The following RGL1 variants were observed in gnomAD, a reference collection of about 807,000 sequenced individuals.
RGL1 encodes ral guanine nucleotide dissociation stimulator-like 1.
A neutral mutation model predicts 95.2 loss-of-function variants in RGL1; 24 were observed. The ratio of observed to expected loss-of-function variants is 0.25; its 90% CI spans 0.18 to 0.35. The LOEUF (loss-of-function observed/expected upper bound fraction) is 0.35. Among genes scored for constraint, RGL1 ranks in the 10% least tolerant of loss-of-function variants. The probability of loss-of-function intolerance (pLI) is 1.00; values close to 1 mark genes in which losing one functional copy is unlikely to be tolerated. For synonymous variants in RGL1, 329 were observed against 344.9 expected, an observed-to-expected ratio of 0.95 and a Z score of 0.51; for missense variants, 715 against 936.3, an observed-to-expected ratio of 0.76 and a Z score of 3.08.
intron 2 of RGL1, among the ~76,000 whole-genome samples, chr1:183,821,527 C>T (rs956723895): frequency 1.2e-3 from 180 of 152,192 alleles, no homozygotes; most frequent in African/African-American, 4.3e-3. Flanking sequence ...TACCAGGAGG[C>T]CTGGTCTGCT....
chr1:183,716,820 GT>G (rs1171042436), intron 1 of RGL1, among the ~76,000 whole-genome samples: 5 of 152,208 alleles, frequency 3.3e-5, no homozygotes, highest in African/African-American at 1.2e-4. Context: ...CTGTGTCTCT[GT>G]TTTGCTCTTT....
intron 14 of RGL1, among the ~76,000 whole-genome samples, chr1:183,908,792 A>C (rs146947292): frequency 2.6e-4 from 40 of 152,270 alleles, no homozygotes; most frequent in African/African-American, 9.4e-4. Context: ...TTAAGGAAAA[A>C]AACAAAAATT....
chr1:183,897,929 C>T (rs1294011940), intron 10 of RGL1, 32 bp downstream of exon 10: 1 of 1,584,958 alleles, frequency 6.3e-7, no homozygotes, highest in Admixed American at 1.7e-5. Context: ...CCTGACAGCT[C>T]ACAGAGGAGA....
intron 1 of RGL1, among the ~76,000 whole-genome samples, chr1:183,651,380 T>A (rs1650739577): frequency 6.6e-6 from 1 of 152,222 alleles, no homozygotes; most frequent in South Asian, 2.1e-4. Flanking sequence ...TGCTAATAAA[T>A]AAATTATGGC....
At chr1:183,672,923 G>A (rs918298357) in intron 1 of RGL1, among the ~76,000 whole-genome samples, 5 of 152,094 alleles carry the variant, frequency 3.3e-5, no homozygotes, top group South Asian at 2.1e-4. Context: ...TCTGGGGTAC[G>A]TATGCAGGAT....
chr1:183,666,739 A>G (rs570868267), intron 1 of RGL1, among the ~76,000 whole-genome samples: 4 of 152,176 alleles, frequency 2.6e-5, no homozygotes, highest in African/African-American at 9.7e-5. Flanking sequence ...ATTTCTATTC[A>G]TTTACATCTG....
chr1:183,712,854 G>T (rs774947121), intron 1 of RGL1, among the ~76,000 whole-genome samples: 4 of 152,182 alleles, frequency 2.6e-5, no homozygotes, highest in Non-Finnish European at 5.9e-5. Flanking sequence ...AGGTTGAAAA[G>T]TCCCTGTGGA....
intron 9 of RGL1, among the ~76,000 whole-genome samples, chr1:183,892,911 A>T (rs543169190): frequency 6.6e-6 from 1 of 152,384 alleles, no homozygotes; most frequent in African/African-American, 2.4e-5. Flanking sequence ...TTTTATCATC[A>T]TCATTTTGTA....
chr1:183,876,331 T>C (rs1339304938), intron 4 of RGL1, among the ~76,000 whole-genome samples: 1 of 152,246 alleles, frequency 6.6e-6, no homozygotes, highest in Non-Finnish European at 1.5e-5. Context: ...CTATAGACGA[T>C]TGCAGTCGGT....
At chr1:183,871,599 C>T (rs1666187537) in intron 4 of RGL1, among the ~76,000 whole-genome samples, 1 of 152,200 alleles carries the variant, frequency 6.6e-6, no homozygotes, top group Non-Finnish European at 1.5e-5. Context: ...ACATTTTATA[C>T]AGGCTCCCAA....
chr1:183,924,971 A>C (rs796477038), intron 17 of RGL1, among the ~76,000 whole-genome samples: 10 of 152,014 alleles, frequency 6.6e-5, no homozygotes, highest in African/African-American at 2.2e-4. Context: ...CATCTCAAAA[A>C]ATATAATAAT....
intron 3 of RGL1, among the ~76,000 whole-genome samples, chr1:183,856,327 A>G (rs748269006): frequency 7.9e-5 from 12 of 151,844 alleles, no homozygotes; most frequent in Non-Finnish European, 1.3e-4. Context: ...ATATATATAT[A>G]TGTTCTGTTA....
upstream of RGL1, among the ~76,000 whole-genome samples, chr1:183,801,165 G>GTC (rs1382933975): frequency 6.6e-6 from 1 of 151,840 alleles, no homozygotes; most frequent in East Asian, 1.9e-4. Flanking sequence ...GTGTGTGTGT[G>GTC]TGTGTGTGTG....
intron 2 of RGL1, among the ~76,000 whole-genome samples, chr1:183,807,901 T>G (rs1661447439): frequency 6.6e-6 from 1 of 152,142 alleles, no homozygotes; most frequent in Non-Finnish European, 1.5e-5. Context: ...AGTCATCACT[T>G]TGTTTTTGGT....
At chr1:183,718,206 C>A (rs1397024196) in intron 1 of RGL1, among the ~76,000 whole-genome samples, 1 of 148,690 alleles carries the variant, frequency 6.7e-6, no homozygotes, top group Non-Finnish European at 1.5e-5. Context: ...TCTACTCCAT[C>A]CTGGGCGACA....
At chr1:183,883,402 C>T (rs1222728246) in intron 5 of RGL1, among the ~76,000 whole-genome samples, 2 of 152,188 alleles carry the variant, frequency 1.3e-5, no homozygotes, top group Admixed American at 6.5e-5. Flanking sequence ...GGTTATAAGT[C>T]GCCCAGCAAC....
chr1:183,921,997 G>T (rs770082879), intron 16 of RGL1, among the ~76,000 whole-genome samples: 3 of 152,172 alleles, frequency 2.0e-5, no homozygotes, highest in African/African-American at 7.2e-5. Context: ...AGCGGATGAC[G>T]CTGTGACTCA....
chr1:183,805,966 CTTTTCTTTTTTTTTTTTTTTT>C (rs1661278327), intron 1 of RGL1, among the ~76,000 whole-genome samples: 8 of 28,398 alleles, frequency 2.8e-4, no homozygotes, highest in Non-Finnish European at 5.5e-4. Flanking sequence ...TTTTTCTTTT[CTTTTCTTTTTTTTTTTTTTTT>C]TTTTTTTTTT....
intron 2 of RGL1, among the ~76,000 whole-genome samples, chr1:183,823,546 C>T (rs1572460558): frequency 6.6e-6 from 1 of 152,144 alleles, no homozygotes; most frequent in Non-Finnish European, 1.5e-5. Flanking sequence ...TGGAGACATT[C>T]CCCACTCCCA....
Sources: gnomAD v4.1 joint callset for allele counts (sites outside exome capture counted in the v4.1 genomes callset) on GRCh38, gnomAD v4.1.1 for gene constraint, MANE v1.5 for transcripts, NCBI Gene and HGNC (gene_info 2026-07-23, HGNC 2026-07-21) for gene names.